Variants in PTPRH observed in about 807,000 individuals in gnomAD.
PTPRH encodes the protein protein tyrosine phosphatase receptor type H.
PTPRH carries 113 observed loss-of-function variants against 130.2 expected under a neutral mutation model. The ratio of observed to expected loss-of-function variants is 0.87; its 90% confidence interval spans 0.75 to 1.01. The LOEUF (loss-of-function observed/expected upper bound fraction) is 1.01. Ranked by LOEUF, PTPRH falls within the 50% of genes least tolerant of loss-of-function variation. PTPRH has a pLI of 0.00. For synonymous variants in PTPRH, 556 were observed against 577.9 expected, an observed-to-expected ratio of 0.96 and a Z score of 0.54; for missense variants, 1,430 against 1,425.0, an observed-to-expected ratio of 1.00 and a Z score of -0.06.
At chr19:55,202,560 A>G (rs960547658) in intron 5 of PTPRH, among the ~76,000 whole-genome samples, 2 of 152,094 alleles carry the variant, frequency 1.3e-5, no homozygotes, top group Admixed American at 1.3e-4. Context: ...TGAAATTAAG[A>G]ATTAAGAATG....
At chr19:55,199,789 G>GA (rs938216202) in intron 7 of PTPRH, among the ~76,000 whole-genome samples, 4 of 143,504 alleles carry the variant, frequency 2.8e-5, no homozygotes, top group East Asian at 4.0e-4. Flanking sequence ...GAGAGAGACA[G>GA]AAAAAAAGAA....
intron 6 of PTPRH, among the ~76,000 whole-genome samples, chr19:55,201,468 C>T (rs975737457): frequency 3.9e-5 from 6 of 152,176 alleles, no homozygotes; most frequent in African/African-American, 1.2e-4. Context: ...GCATTAGCAC[C>T]GTGGAGGATG....
chr19:55,207,454 T>A lies in PTPRH; in HGVS notation c.52-255A>T, dbSNP rs537494977. ...CGATAAGGCTGAGAGATAAAATTAA[T>A]GATTTCATTTCCTGAAATATATGTC... is the stretch of plus-strand genomic sequence containing the variant. On this transcript the variant is annotated intron_variant, in intron 1 of 19. Coordinates refer to ENST00000376350, the MANE Select transcript of PTPRH (RefSeq NM_002842.5). 5.3e-5 allele frequency among the ~76,000 whole-genome samples: 8 copies of A among 152,282 alleles called. No individual in the cohort carries two copies. In the East Asian group the frequency reaches 1.5e-3, roughly 29 times the overall value.
Position 55,200,428 on chromosome 19 carries a change from C to T in PTPRH, c.1228G>A (p.Asp410Asn), listed in dbSNP as rs149421505. Residue 410 changes from aspartate to asparagine, a missense_variant, in exon 7 of 20, where the codon GAT becomes AAT. Transcript: ENST00000376350. ...SSIALCWEVP[D>N]GPYPQDYTYW... ...GTGTAGTCCTGAGGGTATGGGCCAT[C>T]GGGGACTTCCCAGCATAGGGCGATG... 2.1e-3 allele frequency: 3,429 copies of T among 1,614,182 alleles called. 5 individuals carry two copies. Among genetic ancestry groups the T allele is most frequent in the Non-Finnish European group, 2.4e-3 (2,878 of 1,180,050 alleles).
intron 18 of PTPRH, among the ~76,000 whole-genome samples, chr19:55,184,399 C>G (rs1041606434): frequency 6.6e-6 from 1 of 152,224 alleles, no homozygotes; most frequent in East Asian, 1.9e-4. Flanking sequence ...TTCACTGTGA[C>G]TGAAACCAGA....
At chr19:55,190,591 A>T (rs1165772862) in intron 12 of PTPRH, among the ~76,000 whole-genome samples, 3 of 131,024 alleles carry the variant, frequency 2.3e-5, no homozygotes, top group Non-Finnish European at 3.2e-5. Flanking sequence ...ATATATTATA[A>T]ATTTATATAT....
intron 5 of PTPRH, 36 bp downstream of exon 5, chr19:55,203,746 A>G: frequency 6.4e-7 from 1 of 1,574,716 alleles, no homozygotes; most frequent in South Asian, 1.2e-5. Flanking sequence ...CTGTCCTTAT[A>G]AAAGAAATAA....
In PTPRH at chr19:55,181,593, C is replaced by G; in HGVS notation, c.*161G>C. 1 of 964,120 alleles carries G rather than the reference C, an allele frequency of 1.0e-6. No individual in the cohort carries two copies. The highest frequency in any genetic ancestry group is 1.6e-6 in the Non-Finnish European group (1 of 643,362). The allele number at this position is 964,120 out of a possible 1,614,324, so 59.7% of individuals were successfully genotyped here. ...TAGGACTCATCTGAAGCCCACCAGACCACTCTCTCCTGGGGAAACCAGAGT... is the reference window on the plus strand; with the variant it reads ...TAGGACTCATCTGAAGCCCACCAGAGCACTCTCTCCTGGGGAAACCAGAGT... On this transcript the variant is annotated 3_prime_UTR_variant, in exon 20 of 20. Transcript: ENST00000376350.
chr19:55,185,882 G>A lies in PTPRH; in HGVS notation c.2881C>T (p.Arg961Trp), dbSNP rs777016596. 28 of 1,613,998 alleles carry A rather than the reference G, an allele frequency of 1.7e-5. No homozygotes were observed. Among genetic ancestry groups the A allele is most frequent in the Admixed American group, 1.0e-4 (6 of 59,988 alleles). ...CGCACCTGGAGGAGCAGCAGTTCCCGCACCGTCCAGTTCTCCATCACTTCC... is the reference window on the plus strand; with the variant it reads ...CGCACCTGGAGGAGCAGCAGTTCCCACACCGTCCAGTTCTCCATCACTTCC... ...GEEVMENWTV[R>W]ELLLLQVEEQ... The change falls in exon 17 of 20, where the codon CGG becomes TGG. Residue 961 changes from arginine (R) to tryptophan (W), a missense_variant. By Grantham distance (101) the Arg-to-Trp change is moderately radical. Coordinates refer to ENST00000376350, the MANE Select transcript of PTPRH (RefSeq NM_002842.5).
chr19:55,205,728 T>C (rs2087029054), intron 3 of PTPRH, 136 bp from the exon 4 acceptor site: 1 of 1,325,954 alleles, frequency 7.5e-7, no homozygotes, highest in Non-Finnish European at 1.0e-6. Flanking sequence ...CAGCCACGAG[T>C]TCCACGTGAG....
chr19:55,207,036 G>T, intron 2 of PTPRH, 81 bp from the exon 3 acceptor site: 1 of 1,552,556 alleles, frequency 6.4e-7, no homozygotes, highest in South Asian at 1.2e-5. Context: ...CACGCCCCAA[G>T]TCCAGAAACA....
chr19:55,188,676 A>G (rs952658949), intron 12 of PTPRH, among the ~76,000 whole-genome samples: 9 of 152,106 alleles, frequency 5.9e-5, no homozygotes, highest in African/African-American at 1.9e-4. Flanking sequence ...TTTCTCCAAA[A>G]TCGTCGTGGC....
intron 18 of PTPRH, among the ~76,000 whole-genome samples, chr19:55,183,552 C>T (rs975701602): frequency 2.0e-5 from 3 of 151,974 alleles, no homozygotes; most frequent in Non-Finnish European, 4.4e-5. Flanking sequence ...GAAGAAACCT[C>T]ATCTCCACTA....
At chr19:55,199,042 G>GCCCT in intron 7 of PTPRH, 130 bp from the exon 8 acceptor site, 2 of 946,278 alleles carry the variant, frequency 2.1e-6, no homozygotes, top group Non-Finnish European at 1.4e-6. Flanking sequence ...CAGTGGCTCA[G>GCCCT]GCCTGTAATC....
chr19:55,203,128 A>G (rs1297570896), intron 5 of PTPRH, among the ~76,000 whole-genome samples: 1 of 151,656 alleles, frequency 6.6e-6, no homozygotes, highest in African/African-American at 2.4e-5. Context: ...GGAGATCGAG[A>G]CCATCCTGGC....
In PTPRH at chr19:55,185,520, G is replaced by A; in HGVS notation, c.3044C>T (p.Pro1015Leu). The A allele has an allele frequency of 6.2e-7, 1 of 1,614,126 alleles. No individual in the cohort carries two copies. Among genetic ancestry groups the A allele is most frequent in the Non-Finnish European group, 8.5e-7 (1 of 1,180,018 alleles). Residue 1015 changes from proline (P) to leucine (L), a missense_variant, in exon 18 of 20, where the codon CCA becomes CTA. Physicochemically the swap from Pro to Leu is moderately conservative, Grantham distance 98. Transcript: ENST00000376350. ...QWLDQTMEGG[P>L]PIVHCSAGVG... ...TCCCCACCTGCAGTGCACAATGGGT[G>A]GGCCTCCCTCCATGGTCTGATCCAG...
At position 55,203,826 on chromosome 19, in the gene PTPRH, T is replaced by C. The variant is rs756323570; in HGVS notation, c.842A>G (p.Lys281Arg). Residue 281 changes from lysine to arginine, a missense_variant, in exon 5 of 20, where the codon AAA becomes AGA. Physicochemically the swap from Lys to Arg is conservative, Grantham distance 26. Coordinates refer to ENST00000376350, the MANE Select transcript of PTPRH (RefSeq NM_002842.5). The stretch of plus-strand genomic sequence containing the variant: ...CTCCACAGAGCTATTTACTCCGTCT[T>C]TCTCCACCCACACAGAACACGTATA... ...SLYTCSVWVE[K>R]DGVNSSVEIV... 2 of 1,613,648 alleles carry C rather than the reference T, an allele frequency of 1.2e-6. No homozygotes were observed. The highest frequency in any genetic ancestry group is 2.2e-5 in the East Asian group (1 of 44,860).
At chr19:55,199,474 G>A (rs1249661226) in intron 7 of PTPRH, among the ~76,000 whole-genome samples, 2 of 151,888 alleles carry the variant, frequency 1.3e-5, no homozygotes, top group Non-Finnish European at 2.9e-5. Flanking sequence ...GTGTGGTGGT[G>A]CGTGCCTGTT....
At chr19:55,200,960 C>CA (rs1403265870) in intron 6 of PTPRH, among the ~76,000 whole-genome samples, 24 of 99,078 alleles carry the variant, frequency 2.4e-4, no homozygotes, top group Admixed American at 4.1e-4. Flanking sequence ...ACAAAAAAAA[C>CA]AAACAAAAAA....
Sources: allele counts gnomAD v4.1 joint callset (sites outside exome capture counted in the v4.1 genomes callset), GRCh38; gene constraint gnomAD v4.1.1; transcripts MANE v1.5; gene names NCBI Gene and HGNC (gene_info 2026-07-23, HGNC 2026-07-21).